The following NLGN4X variants were observed in gnomAD, a reference collection of about 807,000 sequenced individuals.
The protein encoded by NLGN4X is neuroligin-4, X-linked.
In NLGN4X, 3 loss-of-function variants were observed where a neutral mutation model predicts 40.3. That is an observed-to-expected ratio of 0.07 (90% CI 0.03 to 0.19). The LOEUF (loss-of-function observed/expected upper bound fraction) is 0.19. Among genes scored for constraint, NLGN4X ranks in the 10% least tolerant of loss-of-function variants. The pLI, the probability that NLGN4X is intolerant of heterozygous loss-of-function variation, is 1.00. For synonymous variants in NLGN4X, 270 were observed against 306.8 expected, an observed-to-expected ratio of 0.88 and a Z score of 1.25; for missense variants, 382 against 708.3, an observed-to-expected ratio of 0.54 and a Z score of 5.23.
chrX:6,135,519 C>G (rs1334380092), intron 2 of NLGN4X, among the ~76,000 whole-genome samples: 2 of 111,407 alleles, frequency 1.8e-5, no homozygotes, highest in African/African-American at 6.5e-5. Context: ...ACCTAGCATT[C>G]AATTTTCCTC....
chrX:6,095,774 C>T (rs146266257), intron 2 of NLGN4X, among the ~76,000 whole-genome samples: 332 of 111,636 alleles, frequency 3.0e-3, no homozygotes, highest in African/African-American at 9.8e-3. Context: ...AGTGGGTAGA[C>T]GCCAGGAGTG....
At chrX:6,028,937 T>C (rs2036782156) in intron 3 of NLGN4X, among the ~76,000 whole-genome samples, 2 of 112,395 alleles carry the variant, frequency 1.8e-5, no homozygotes, top group South Asian at 3.6e-4. Context: ...CTAAGATCTA[T>C]GGCCATTCCC....
chrX:6,015,845 C>T (rs140420941), intron 3 of NLGN4X, among the ~76,000 whole-genome samples: 469 of 111,748 alleles, frequency 4.2e-3, no homozygotes, highest in Middle Eastern at 0.014. Flanking sequence ...AGTGGACAAG[C>T]CTGCTTAAAC....
intron 3 of NLGN4X, among the ~76,000 whole-genome samples, chrX:5,928,127 G>A (rs2033399980): frequency 8.9e-6 from 1 of 112,131 alleles, no homozygotes; most frequent in South Asian, 3.7e-4. Flanking sequence ...AGAATGCCCA[G>A]ACTTGGTGTT....
chrX:6,001,245 A>G, intron 3 of NLGN4X, among the ~76,000 whole-genome samples: 1 of 111,726 alleles, frequency 9.0e-6, no homozygotes, highest in Admixed American at 9.5e-5. Context: ...AAGCCAAACC[A>G]TATCACCATG....
intron 2 of NLGN4X, among the ~76,000 whole-genome samples, chrX:6,042,523 C>T (rs2037184316): frequency 9.5e-6 from 1 of 104,954 alleles, no homozygotes; most frequent in Non-Finnish European, 1.9e-5. Flanking sequence ...TGAGATTAAA[C>T]CACAGTGTGT....
intron 2 of NLGN4X, among the ~76,000 whole-genome samples, chrX:6,043,703 C>CA (rs1306563732): frequency 8.9e-6 from 1 of 111,969 alleles, no homozygotes; most frequent in African/African-American, 3.2e-5. Context: ...GTGTACCTGA[C>CA]ATGGTAAATG....
At chrX:6,091,969 C>T (rs775170264) in intron 2 of NLGN4X, among the ~76,000 whole-genome samples, 41 of 108,194 alleles carry the variant, frequency 3.8e-4, no homozygotes, top group Non-Finnish European at 5.9e-4. Flanking sequence ...CCTTCCTTCT[C>T]TCTCTTCCTT....
intron 2 of NLGN4X, among the ~76,000 whole-genome samples, chrX:6,080,266 C>T (rs111261982): frequency 6.1e-4 from 68 of 111,331 alleles, no homozygotes; most frequent in African/African-American, 2.2e-3. Context: ...AAATGGCAAC[C>T]CCATAAGGTT....
chrX:6,109,145 A>C (rs1794346608), intron 2 of NLGN4X, among the ~76,000 whole-genome samples: 2 of 110,950 alleles, frequency 1.8e-5, no homozygotes, highest in South Asian at 7.7e-4. Context: ...ATGCACCTAT[A>C]ATACAAGCTA....
At chrX:6,060,398 C>G (rs1201407885) in intron 2 of NLGN4X, among the ~76,000 whole-genome samples, 1 of 111,498 alleles carries the variant, frequency 9.0e-6, no homozygotes, top group Non-Finnish European at 1.9e-5. Context: ...AAACTCCAAC[C>G]CTGGTGAAAT....
At chrX:6,208,796 T>C (rs1924284590) in intron 1 of NLGN4X, among the ~76,000 whole-genome samples, 1 of 111,947 alleles carries the variant, frequency 8.9e-6, no homozygotes, top group Non-Finnish European at 1.9e-5. Flanking sequence ...TGTAAATTAG[T>C]ATAAGTTCTA....
At chrX:6,119,302 T>A (rs2039369622) in intron 2 of NLGN4X, among the ~76,000 whole-genome samples, 1 of 112,096 alleles carries the variant, frequency 8.9e-6, no homozygotes, top group Non-Finnish European at 1.9e-5. Flanking sequence ...TCCTATCTAG[T>A]CTTTAGTTGG....
At chrX:6,161,017 A>C (rs1283062374) in intron 1 of NLGN4X, among the ~76,000 whole-genome samples, 1 of 97,897 alleles carries the variant, frequency 1.0e-5, no homozygotes, top group Non-Finnish European at 2.0e-5. Flanking sequence ...TTCTATATAT[A>C]ATATAGGATA....
chrX:5,951,875 A>G (rs1302074171), intron 3 of NLGN4X, among the ~76,000 whole-genome samples: 1 of 112,149 alleles, frequency 8.9e-6, no homozygotes, highest in East Asian at 2.8e-4. Flanking sequence ...CTGCAGGATA[A>G]GGATCTGGAA....
At chrX:6,072,076 T>C (rs1295162575) in intron 2 of NLGN4X, among the ~76,000 whole-genome samples, 1 of 110,985 alleles carries the variant, frequency 9.0e-6, no homozygotes, top group East Asian at 2.9e-4. Context: ...AGGGCATGTA[T>C]TTTCTGTCAT....
chrX:5,901,032 T>A (rs1413099454), intron 5 of NLGN4X, among the ~76,000 whole-genome samples: 1 of 112,193 alleles, frequency 8.9e-6, no homozygotes, highest in Non-Finnish European at 1.9e-5. Flanking sequence ...CAAATGTGGG[T>A]CCCTCCTCTC....
intron 1 of NLGN4X, among the ~76,000 whole-genome samples, chrX:6,219,406 ATTCCCTCCCTCTCTCCTT>A (rs1925422997): frequency 2.5e-5 from 1 of 39,284 alleles, no homozygotes; most frequent in Non-Finnish European, 4.4e-5. Flanking sequence ...TCTTTCCTTC[ATTCCCTCCCTCTCTCCTT>A]CCTTTTTCTC....
intron 3 of NLGN4X, among the ~76,000 whole-genome samples, chrX:5,961,743 C>T (rs978986380): frequency 7.2e-5 from 8 of 111,750 alleles, no homozygotes; most frequent in African/African-American, 9.7e-5. Context: ...AGTTCTTTGC[C>T]GTGGATACTA....
Sources: gnomAD v4.1 joint callset for allele counts (sites outside exome capture counted in the v4.1 genomes callset) on GRCh38, gnomAD v4.1.1 for gene constraint, MANE v1.5 for transcripts, NCBI Gene and HGNC (gene_info 2026-07-23, HGNC 2026-07-21) for gene names.